Variants in UNC93A observed in about 807,000 individuals in gnomAD.
UNC93A encodes N-acetylglucosamine transporter UNC93A.
A neutral mutation model predicts 47.5 loss-of-function variants in UNC93A; 43 were observed. The observed-to-expected ratio is 0.91, with a 90% CI of 0.71 to 1.17. The LOEUF is 1.17. UNC93A is among the 50% of genes most tolerant of loss of function. The pLI is 0.00. For missense variants in UNC93A, 605 were observed against 577.6 expected (o/e 1.05, Z -0.49); for synonymous variants, 280 against 258.0 (o/e 1.09, Z -0.82).
chr6:167,289,045 C>T (rs546999229), upstream of UNC93A, among the ~76,000 whole-genome samples: 1 of 152,298 alleles, frequency 6.6e-6, no homozygotes, highest in Non-Finnish European at 1.5e-5. Context: ...TTTACACGTA[C>T]CCGTCTTTGG....
chr6:167,275,404 C>T (rs1783522901), intron 1 of UNC93A, among the ~76,000 whole-genome samples: 1 of 152,164 alleles, frequency 6.6e-6, no homozygotes, highest in Non-Finnish European at 1.5e-5. Context: ...CTAATGATTC[C>T]CCAGGTTGTC....
At chr6:167,291,313 T>G (rs796438901), upstream of UNC93A, 6 of 515,010 alleles carry the variant, frequency 1.2e-5, no homozygotes, top group African/African-American at 7.8e-5. Flanking sequence ...ATAACCAAGT[T>G]CATTAACGAG....
intron 1 of UNC93A, among the ~76,000 whole-genome samples, chr6:167,274,409 G>A (rs1783504460): frequency 6.6e-6 from 1 of 152,170 alleles, no homozygotes; most frequent in East Asian, 1.9e-4. Flanking sequence ...TTCTAGATGT[G>A]TGTAGTGATA....
chr6:167,299,130 ATAC>A (rs199541434), intron 4 of UNC93A, among the ~76,000 whole-genome samples: 12 of 118,898 alleles, frequency 1.0e-4, no homozygotes, highest in African/African-American at 2.7e-4. Flanking sequence ...AAAAAAAAAA[ATAC>A]ACACACACAC....
chr6:167,306,566 AG>A (rs2115167604), intron 6 of UNC93A, among the ~76,000 whole-genome samples: 1 of 152,332 alleles, frequency 6.6e-6, no homozygotes, highest in African/African-American at 2.4e-5. Flanking sequence ...GTGAACAATG[AG>A]GAATGCAGGC....
chr6:167,285,370 T>C (rs926456545), intron 1 of UNC93A, among the ~76,000 whole-genome samples: 6 of 151,796 alleles, frequency 4.0e-5, no homozygotes, highest in Non-Finnish European at 8.8e-5. Flanking sequence ...CAGGGCCCAA[T>C]CCCACTGTGT....
intron 1 of UNC93A, among the ~76,000 whole-genome samples, chr6:167,278,079 C>G (rs1783573110): frequency 6.6e-6 from 1 of 152,174 alleles, no homozygotes. Flanking sequence ...AAAATTAGAG[C>G]TACAGAATGT....
At chr6:167,278,733 C>A (rs1436353708) in intron 1 of UNC93A, among the ~76,000 whole-genome samples, 1 of 152,110 alleles carries the variant, frequency 6.6e-6, no homozygotes, top group African/African-American at 2.4e-5. Context: ...ATTCCTCCGC[C>A]CTGGCTGCAC....
chr6:167,270,822 G>A (rs1039487651), upstream of UNC93A, among the ~76,000 whole-genome samples: 10 of 152,210 alleles, frequency 6.6e-5, no homozygotes, highest in Admixed American at 3.9e-4. Flanking sequence ...GCGCCCTCCC[G>A]CTGTGGAGTC....
Position 167,303,943 on chromosome 6 carries a change from T to G in UNC93A, c.650T>G (p.Met217Arg). 6.2e-7 allele frequency: 1 copy of G among 1,613,830 alleles called. No individual in the cohort carries two copies. The highest frequency in any genetic ancestry group is 8.5e-7 in the Non-Finnish European group (1 of 1,179,982). The change falls in exon 5 of 8, where the codon ATG becomes AGG. Residue 217 changes from methionine to arginine, a missense_variant. Met to Arg is a moderately conservative substitution (Grantham distance 91, BLOSUM62 -1). Transcript: ENST00000230256. ...GGGAGTGGTGTCCTGGCTGTCCTGA[T>G]GATAGCTGCGTTCCTCCAACCCATA... ...YTGSGVLAVL[M>R]IAAFLQPIRD...
chr6:167,283,950 C>A (rs552389850), intron 1 of UNC93A, among the ~76,000 whole-genome samples: 2 of 152,332 alleles, frequency 1.3e-5, no homozygotes, highest in Non-Finnish European at 2.9e-5. Context: ...CAGGATCTCA[C>A]AGCACATTAA....
In UNC93A at chr6:167,315,173, T is replaced by A; in HGVS notation, c.1109-14T>A. On this transcript the variant is annotated splice_polypyrimidine_tract_variant and intron_variant, in intron 7 of 7. Transcript: ENST00000230256. ...GCCCATGGCAGAGCTCTCACTCCGC[T>A]CTCTCCTCTGCAGCTCTCTACGGCG... The A allele has an allele frequency of 1.2e-6, 2 of 1,613,136 alleles. No homozygotes were observed. The highest frequency in any genetic ancestry group is 1.7e-6 in the Non-Finnish European group (2 of 1,179,806).
chr6:167,293,515 A>G (rs1777951255), intron 1 of UNC93A, among the ~76,000 whole-genome samples: 1 of 152,128 alleles, frequency 6.6e-6, no homozygotes, highest in Non-Finnish European at 1.5e-5. Flanking sequence ...GAGTGTTCAG[A>G]TAGAAGTGAC....
intron 7 of UNC93A, among the ~76,000 whole-genome samples, chr6:167,312,768 A>G (rs143240070): frequency 2.2e-4 from 34 of 152,342 alleles, no homozygotes; most frequent in African/African-American, 6.7e-4. Flanking sequence ...TTTCCCCACT[A>G]TGTCCTTAGC....
intron 1 of UNC93A, among the ~76,000 whole-genome samples, chr6:167,293,462 G>C (rs1273252904): frequency 6.6e-6 from 1 of 152,112 alleles, no homozygotes; most frequent in East Asian, 1.9e-4. Flanking sequence ...CCCTCTAACT[G>C]GGACAGCTGT....
At position 167,294,598 on chromosome 6, in the gene UNC93A, C is replaced by T. The variant is rs145945166; in HGVS notation, c.169C>T (p.Leu57Phe). ...AGGCATGCTCCTGTCCTCCATGTTC[C>T]TCCCACCGCTCCTCATCGAGAGGCT... ...YGGMLLSSMFLPPLLIERLGC... is the reference protein window; with the variant it reads ...YGGMLLSSMFFPPLLIERLGC... Residue 57 changes from leucine to phenylalanine, a missense_variant, in exon 2 of 8, where the codon CTC becomes TTC. Transcript: ENST00000230256. The T allele has an allele frequency of 9.3e-5, 150 of 1,613,914 alleles. No individual in the cohort carries two copies. Among genetic ancestry groups the T allele is most frequent in the Admixed American group, 2.8e-4 (17 of 59,998 alleles).
upstream of UNC93A, among the ~76,000 whole-genome samples, chr6:167,286,977 CAAAA>C (rs548370859): frequency 2.6e-4 from 29 of 110,022 alleles, no homozygotes; most frequent in African/African-American, 5.8e-4. Flanking sequence ...GACTCTGTCT[CAAAA>C]AAAAAAAAAA....
At position 167,307,822 on chromosome 6, in the gene UNC93A, G is replaced by A; in HGVS notation, c.1020G>A (p.Trp340Ter). 1 of 1,614,056 alleles carries A rather than the reference G, an allele frequency of 6.2e-7. No homozygotes were observed. Among genetic ancestry groups the A allele is most frequent in the Non-Finnish European group, 8.5e-7 (1 of 1,179,962 alleles). The change falls in exon 7 of 8, where the codon TGG becomes TGA. Residue 340 changes from tryptophan to a stop codon, truncating the protein, a stop_gained. Transcript: ENST00000230256. LOFTEE classifies it high-confidence loss of function. Reference protein sequence around the residue: ...HVSCMIALLLWRPRADHLAVF... With the variant: ...HVSCMIALLL Reference sequence around the variant, plus strand: ...CCTGCATGATTGCCCTACTGCTGTGGAGACCTCGTGCTGACCATCTGGCAG... The same window carrying A: ...CCTGCATGATTGCCCTACTGCTGTGAAGACCTCGTGCTGACCATCTGGCAG...
upstream of UNC93A, among the ~76,000 whole-genome samples, chr6:167,289,405 A>T (rs1342792628): frequency 1.5e-4 from 23 of 152,318 alleles, no homozygotes; most frequent in African/African-American, 5.3e-4. Flanking sequence ...GTTCATTTAA[A>T]AAAAATCCCT....
Sources: allele counts gnomAD v4.1 joint callset (sites outside exome capture counted in the v4.1 genomes callset), GRCh38; gene constraint gnomAD v4.1.1; transcripts MANE v1.5; gene names NCBI Gene and HGNC (gene_info 2026-07-23, HGNC 2026-07-21).